The following XPO6 variants were observed in gnomAD, a reference collection of about 807,000 sequenced individuals.
The protein encoded by XPO6 is exportin-6.
Under a neutral mutation model 130.0 loss-of-function variants are expected in XPO6, and 3 were observed. The ratio of observed to expected loss-of-function variants is 0.02; its 90% CI spans 0.01 to 0.06. XPO6 has a LOEUF of 0.06. Ranked by LOEUF, XPO6 falls within the 10% of genes least tolerant of loss-of-function variation. The pLI is 1.00. For synonymous variants in XPO6, 524 were observed against 548.9 expected (o/e 0.95, Z 0.63); for missense variants, 970 against 1,393.0 (o/e 0.70, Z 4.83).
intron 12 of XPO6, among the ~76,000 whole-genome samples, chr16:28,126,970 C>G (rs2087433529): frequency 6.6e-6 from 1 of 152,148 alleles, no homozygotes; most frequent in South Asian, 2.1e-4. Context: ...ATCACCAACC[C>G]TCCTCCTCAC....
intron 1 of XPO6, among the ~76,000 whole-genome samples, chr16:28,206,987 C>T (rs1037276686): frequency 6.6e-6 from 1 of 152,182 alleles, no homozygotes; most frequent in Non-Finnish European, 1.5e-5. Context: ...TGGCTCCCAC[C>T]TGTAATCCTA....
chr16:28,199,245 T>G (rs1453179623), intron 1 of XPO6, among the ~76,000 whole-genome samples: 1 of 152,236 alleles, frequency 6.6e-6, no homozygotes, highest in Non-Finnish European at 1.5e-5. Context: ...TGATGACATG[T>G]GCCCCTAAAA....
At chr16:28,104,847 G>A in intron 20 of XPO6, 140 bp from the exon 21 acceptor site, 1 of 940,560 alleles carries the variant, frequency 1.1e-6, no homozygotes, top group East Asian at 2.6e-5. Flanking sequence ...GTCACTACCT[G>A]CGCAAAAGAC....
intron 9 of XPO6, among the ~76,000 whole-genome samples, chr16:28,136,460 T>G (rs2042778369): frequency 6.6e-6 from 1 of 152,142 alleles, no homozygotes; most frequent in Non-Finnish European, 1.5e-5. Flanking sequence ...CCTCAGATGA[T>G]CCACCTGCCT....
Position 28,125,770 on chromosome 16 carries a change from T to C in XPO6, c.1685A>G (p.Gln562Arg), listed in dbSNP as rs771457210. The change falls in exon 13 of 24, where the codon CAG becomes CGG. Residue 562 changes from glutamine (Q) to arginine (R), a missense_variant. This residue lies in a region of XPO6 where 936 missense variants were observed against 1,306.8 expected (regional missense o/e 0.72). Coordinates refer to ENST00000304658, the MANE Select transcript of XPO6 (RefSeq NM_015171.4). ...CSLRDLSSLL[Q>R]AVGRLAEYFI... ...GTACTCGGCCAGGCGGCCCACGGCC[T>C]GCAGCAGGGAGCTCAAGTCTCTCAG... is the stretch of plus-strand genomic sequence containing the variant. The C allele has an allele frequency of 3.7e-6, 6 of 1,614,234 alleles. No homozygotes were observed. The highest frequency in any genetic ancestry group is 5.1e-6 in the Non-Finnish European group (6 of 1,180,046).
In XPO6 at chr16:28,156,638, G is replaced by A. The variant is rs1424551976; in HGVS notation, c.644-111C>T. Reference sequence around the variant, plus strand: ...TATATATGTATACATATATGTATCAGTTTAGTTACCTATGAAATAAAAAAA... The same window carrying A: ...TATATATGTATACATATATGTATCAATTTAGTTACCTATGAAATAAAAAAA... On this transcript the variant is annotated intron_variant, in intron 6 of 23. Transcript: ENST00000304658. 2.4e-5 allele frequency: 15 copies of A among 615,902 alleles called. No homozygotes were observed. The East Asian group carries it at 2.6e-4, about 11-fold the overall frequency. The allele number at this position is 615,902 out of a possible 1,614,324, so 38.2% of individuals were successfully genotyped here.
intron 1 of XPO6, among the ~76,000 whole-genome samples, chr16:28,208,549 C>T (rs961032395): frequency 3.1e-4 from 47 of 152,146 alleles, no homozygotes; most frequent in Non-Finnish European, 6.2e-4. Context: ...CTATGGCCAC[C>T]CCCTGTGTAC....
chr16:28,138,999 T>C (rs1360006185), intron 9 of XPO6, among the ~76,000 whole-genome samples: 1 of 152,224 alleles, frequency 6.6e-6, no homozygotes, highest in Non-Finnish European at 1.5e-5. Flanking sequence ...ACAGCTATAA[T>C]AACAATGCTC....
Position 28,211,357 on chromosome 16 carries a change from T to TC in XPO6, c.3+8dup. On this transcript the variant is annotated intron_variant, in intron 1 of 23. Transcript: ENST00000304658. ...CCCCAGGAGGGAAGGGGGCTCCAAT[T>TC]CCACTTACCATGCTGGCCGGGGAGG... The TC allele has an allele frequency of 1.5e-6, 2 of 1,312,538 alleles. No individual in the cohort carries two copies. The highest frequency in any genetic ancestry group is 2.0e-6 in the Non-Finnish European group (2 of 1,021,726). The allele number at this position is 1,312,538 out of a possible 1,614,324, so 81.3% of individuals were successfully genotyped here. A position where few individuals can be genotyped will look rare whatever the true frequency, so the allele number is the denominator to read the frequency against.
At chr16:28,173,303 A>C (rs1454287663) in intron 4 of XPO6, among the ~76,000 whole-genome samples, 1 of 152,240 alleles carries the variant, frequency 6.6e-6, no homozygotes, top group Non-Finnish European at 1.5e-5. Flanking sequence ...GACAAGGCTT[A>C]TATGCCATTG....
intron 20 of XPO6, chr16:28,105,725 G>A (rs755732606): frequency 2.8e-5 from 7 of 250,904 alleles, no homozygotes; most frequent in Admixed American, 4.9e-5. Context: ...TTTCTAATAG[G>A]AAAGTACATA....
intron 17 of XPO6, among the ~76,000 whole-genome samples, 199 bp from the exon 18 acceptor site, chr16:28,107,876 C>T (rs1190215633): frequency 1.3e-5 from 2 of 152,114 alleles, no homozygotes; most frequent in African/African-American, 2.4e-5. Context: ...ATTATTACTG[C>T]CAGGACTCCA....
At chr16:28,151,122 C>A (rs1319181043) in intron 8 of XPO6, among the ~76,000 whole-genome samples, 1 of 148,252 alleles carries the variant, frequency 6.7e-6, no homozygotes, top group Non-Finnish European at 1.5e-5. Context: ...ATACACAACC[C>A]TCCTAGCCTA....
At chr16:28,153,326 TG>T (rs1337263943) in intron 7 of XPO6, 1 of 985,590 alleles carries the variant, frequency 1.0e-6, no homozygotes, top group East Asian at 1.1e-4. Flanking sequence ...ACTCTAAAAG[TG>T]ATTTCAAATA....
At chr16:28,155,908 C>G in intron 7 of XPO6, 166 bp downstream of exon 7, 1 of 1,399,474 alleles carries the variant, frequency 7.1e-7, no homozygotes, top group Admixed American at 3.2e-5. Context: ...CCACCCAAGC[C>G]CTTCCAGCTA....
intron 9 of XPO6, among the ~76,000 whole-genome samples, chr16:28,139,030 T>C (rs2042835760): frequency 6.6e-6 from 1 of 152,228 alleles, no homozygotes; most frequent in South Asian, 2.1e-4. Flanking sequence ...CTCTATGGTC[T>C]GAATTGTGCG....
intron 1 of XPO6, among the ~76,000 whole-genome samples, chr16:28,184,216 T>A (rs2043659496): frequency 6.6e-6 from 1 of 152,218 alleles, no homozygotes; most frequent in African/African-American, 2.4e-5. Flanking sequence ...ATTCAAAAAC[T>A]TTATCTCCTG....
At chr16:28,102,001 C>T in intron 21 of XPO6, 56 bp from the exon 22 acceptor site, 1 of 1,464,330 alleles carries the variant, frequency 6.8e-7, no homozygotes, top group Non-Finnish European at 9.5e-7. Flanking sequence ...TCTGGAGCAT[C>T]TACCCCATGT....
chr16:28,116,575 G>A (rs541532686), intron 15 of XPO6, among the ~76,000 whole-genome samples: 1 of 151,840 alleles, frequency 6.6e-6, no homozygotes, highest in Non-Finnish European at 1.5e-5. Context: ...TAAAGTAAGA[G>A]ACATGTGACT....
Sources: allele counts gnomAD v4.1 joint callset (sites outside exome capture counted in the v4.1 genomes callset), GRCh38; gene constraint gnomAD v4.1.1; regional missense constraint gnomAD v4.1.1; transcripts MANE v1.5; gene names NCBI Gene and HGNC (gene_info 2026-07-23, HGNC 2026-07-21).